Variants in PLXDC2 observed in about 807,000 individuals in gnomAD.
The protein encoded by PLXDC2 is plexin domain-containing protein 2.
In PLXDC2, 40 loss-of-function variants were observed where a neutral mutation model predicts 68.9. The ratio of observed to expected loss-of-function variants is 0.58; its 90% CI spans 0.45 to 0.76. The LOEUF (loss-of-function observed/expected upper bound fraction) is 0.76, where lower values mean the gene tolerates loss of function less well. Ranked by LOEUF, PLXDC2 falls within the 30% of genes least tolerant of loss-of-function variation. PLXDC2 has a pLI of 0.00. For synonymous variants in PLXDC2, 243 were observed against 234.2 expected (o/e 1.04, Z -0.34); for missense variants, 644 against 661.9 (o/e 0.97, Z 0.30).
chr10:19,941,802 T>C (rs1833822371), intron 1 of PLXDC2, among the ~76,000 whole-genome samples: 2 of 152,212 alleles, frequency 1.3e-5, no homozygotes. Flanking sequence ...CTTTTGACTC[T>C]GCTAACGTGT....
intron 4 of PLXDC2, among the ~76,000 whole-genome samples, chr10:20,122,337 C>G (rs141400937): frequency 6.6e-6 from 1 of 152,052 alleles, no homozygotes; most frequent in Middle Eastern, 3.2e-3. Context: ...AAGAAGGGGA[C>G]GGACTTACCC....
At chr10:20,011,109 T>G (rs1054193677) in intron 2 of PLXDC2, among the ~76,000 whole-genome samples, 2 of 152,224 alleles carry the variant, frequency 1.3e-5, no homozygotes, top group African/African-American at 4.8e-5. Context: ...GTCTAGTTGA[T>G]TTTTTAAAAT....
chr10:20,252,032 G>T (rs1412417403), intron 13 of PLXDC2, among the ~76,000 whole-genome samples: 2 of 152,004 alleles, frequency 1.3e-5, no homozygotes, highest in Non-Finnish European at 2.9e-5. Flanking sequence ...AAAGGAGTCA[G>T]TTCAAATGAT....
chr10:19,817,278 A>G (rs572123992), intron 1 of PLXDC2, 87 bp downstream of exon 1: 210 of 1,065,960 alleles, frequency 2.0e-4, no homozygotes, highest in Non-Finnish European at 2.7e-4. Context: ...TCTCCCCCCA[A>G]CATCACCTAT....
At chr10:20,220,621 A>C (rs1835197208) in intron 12 of PLXDC2, among the ~76,000 whole-genome samples, 1 of 152,142 alleles carries the variant, frequency 6.6e-6, no homozygotes, top group African/African-American at 2.4e-5. Flanking sequence ...TGGAAAAAAA[A>C]GTTAAAGAAA....
chr10:20,116,036 C>T (rs1412148301), intron 4 of PLXDC2, among the ~76,000 whole-genome samples: 1 of 152,156 alleles, frequency 6.6e-6, no homozygotes, highest in Non-Finnish European at 1.5e-5. Context: ...TTGGTCTGAA[C>T]CAGTTACACA....
At chr10:19,853,351 A>C (rs1055530395) in intron 1 of PLXDC2, among the ~76,000 whole-genome samples, 27 of 152,086 alleles carry the variant, frequency 1.8e-4, no homozygotes, top group African/African-American at 7.2e-5. Context: ...AGATTTTACC[A>C]CTTTGCTATA....
intron 13 of PLXDC2, 120 bp from the exon 14 acceptor site, chr10:20,279,580 TAAG>T: frequency 1.3e-6 from 1 of 742,170 alleles, no homozygotes; most frequent in Middle Eastern, 2.5e-4. Context: ...GTAGCTATAA[TAAG>T]AGATAATTTA....
At chr10:20,271,897 C>T (rs1193679294) in intron 13 of PLXDC2, among the ~76,000 whole-genome samples, 5 of 152,132 alleles carry the variant, frequency 3.3e-5, no homozygotes, top group African/African-American at 7.2e-5. Context: ...GGTTAGCTCC[C>T]GTTCAAGTTT....
intron 10 of PLXDC2, among the ~76,000 whole-genome samples, chr10:20,214,495 G>A (rs1835110424): frequency 6.6e-6 from 1 of 152,002 alleles, no homozygotes; most frequent in Non-Finnish European, 1.5e-5. Context: ...TATTGATTTT[G>A]GATTTTTTTC....
chr10:20,179,289 C>T (rs1834570558), intron 9 of PLXDC2, among the ~76,000 whole-genome samples: 1 of 152,014 alleles, frequency 6.6e-6, no homozygotes, highest in South Asian at 2.1e-4. Context: ...GTTCATTTGT[C>T]GTCTTCTTTG....
intron 2 of PLXDC2, among the ~76,000 whole-genome samples, chr10:20,036,057 G>GT (rs1835572255): frequency 1.3e-5 from 2 of 152,118 alleles, no homozygotes. Context: ...AATGACATGA[G>GT]TTTTTGAAAG....
intron 9 of PLXDC2, among the ~76,000 whole-genome samples, chr10:20,187,077 A>G (rs944708305): frequency 1.3e-5 from 2 of 151,736 alleles, no homozygotes; most frequent in Non-Finnish European, 2.9e-5. Context: ...AAAAGATTCA[A>G]AAAAAAATCC....
intron 4 of PLXDC2, among the ~76,000 whole-genome samples, chr10:20,077,018 T>A (rs1298015741): frequency 6.6e-6 from 1 of 152,146 alleles, no homozygotes; most frequent in African/African-American, 2.4e-5. Context: ...GTACGACATA[T>A]ATATTATTAT....
At chr10:20,094,376 CAG>C (rs933683829) in intron 4 of PLXDC2, among the ~76,000 whole-genome samples, 5 of 152,306 alleles carry the variant, frequency 3.3e-5, no homozygotes, top group African/African-American at 1.2e-4. Flanking sequence ...TAAGGTCACA[CAG>C]AGAGTTTTCA....
intron 12 of PLXDC2, among the ~76,000 whole-genome samples, chr10:20,241,678 C>T (rs1835518080): frequency 6.6e-6 from 1 of 152,080 alleles, no homozygotes; most frequent in Non-Finnish European, 1.5e-5. Context: ...ACTTGGGAGG[C>T]CAAAGCAGGA....
chr10:20,006,305 C>G (rs1235777934), intron 2 of PLXDC2, among the ~76,000 whole-genome samples: 2 of 152,184 alleles, frequency 1.3e-5, no homozygotes, highest in African/African-American at 4.8e-5. Flanking sequence ...ATACTCTGTG[C>G]CTGGCATTGT....
At chr10:20,123,683 A>AT (rs1325526560) in intron 4 of PLXDC2, among the ~76,000 whole-genome samples, 2 of 151,802 alleles carry the variant, frequency 1.3e-5, no homozygotes, top group Non-Finnish European at 2.9e-5. Context: ...GAGTAGAGAC[A>AT]CGGAGGGAAG....
intron 13 of PLXDC2, among the ~76,000 whole-genome samples, chr10:20,255,213 A>G (rs1189780569): frequency 6.6e-6 from 1 of 152,104 alleles, no homozygotes; most frequent in Non-Finnish European, 1.5e-5. Flanking sequence ...AGATAGATAG[A>G]TAGATAGATA....
Sources: gnomAD v4.1 joint callset for allele counts (sites outside exome capture counted in the v4.1 genomes callset) on GRCh38, gnomAD v4.1.1 for gene constraint, MANE v1.5 for transcripts, NCBI Gene and HGNC (gene_info 2026-07-23, HGNC 2026-07-21) for gene names.